P2RY12: variants seen among roughly 807,000 people sequenced by gnomAD.
P2RY12 encodes the protein purinergic receptor P2Y12, also known as P2Y purinoceptor 12.
Under a neutral mutation model 4.5 loss-of-function variants are expected in P2RY12, and 3 were observed. That is an observed-to-expected ratio of 0.67 (90% CI 0.31 to 1.74). The LOEUF is 1.74. Among genes scored for constraint, P2RY12 ranks in the 40% most tolerant of loss-of-function variants. P2RY12 has a pLI of 0.09. For missense variants in P2RY12, 356 were observed against 407.8 expected, an observed-to-expected ratio of 0.87 and a Z score of 1.09; for synonymous variants, 148 against 154.1, an observed-to-expected ratio of 0.96 and a Z score of 0.29.
At chr3:151,373,245 T>A (rs868362059) in intron 1 of P2RY12, among the ~76,000 whole-genome samples, 54 of 152,166 alleles carry the variant, frequency 3.5e-4, no homozygotes, top group African/African-American at 1.2e-3. Flanking sequence ...AGATTATGCA[T>A]CCCTGGCCAA....
chr3:151,378,276 A>G, intron 1 of P2RY12: 1 of 1,210,604 alleles, frequency 8.3e-7, no homozygotes, highest in African/African-American at 1.6e-5. Context: ...GTCCACTGAA[A>G]TTTAGTTTTT....
intron 1 of P2RY12, among the ~76,000 whole-genome samples, chr3:151,366,487 G>C (rs183246989): frequency 4.8e-4 from 73 of 152,304 alleles, no homozygotes; most frequent in Non-Finnish European, 8.1e-4. Context: ...GGCAATTAAT[G>C]CCTGGAAGAT....
At chr3:151,381,042 C>T (rs1712238588) in intron 1 of P2RY12, among the ~76,000 whole-genome samples, 1 of 152,240 alleles carries the variant, frequency 6.6e-6, no homozygotes, top group Non-Finnish European at 1.5e-5. Flanking sequence ...CACAGTTCTC[C>T]TGGTCACTGT....
chr3:151,339,672 T>C (rs566440507), intron 2 of P2RY12, among the ~76,000 whole-genome samples: 1 of 151,632 alleles, frequency 6.6e-6, no homozygotes, highest in African/African-American at 2.4e-5. Context: ...AGAAATGGCC[T>C]GTGTATATAT....
chr3:151,382,401 AT>A (rs1346506992), intron 1 of P2RY12, among the ~76,000 whole-genome samples: 2 of 152,134 alleles, frequency 1.3e-5, no homozygotes, highest in Non-Finnish European at 2.9e-5. Context: ...CCTCTCAAGC[AT>A]TTTCCCAGAC....
intron 1 of P2RY12, among the ~76,000 whole-genome samples, chr3:151,367,233 A>C (rs1577458625): frequency 6.6e-6 from 1 of 152,214 alleles, no homozygotes; most frequent in African/African-American, 2.4e-5. Flanking sequence ...CCAAAACCTT[A>C]GTGAGGCTTG....
At chr3:151,361,385 G>T (rs1577439167) in intron 1 of P2RY12, among the ~76,000 whole-genome samples, 1 of 151,878 alleles carries the variant, frequency 6.6e-6, no homozygotes, top group Non-Finnish European at 1.5e-5. Flanking sequence ...GATTGTATTA[G>T]ATTCAGGTTC....
intron 1 of P2RY12, among the ~76,000 whole-genome samples, chr3:151,362,144 G>A (rs1329110194): frequency 6.6e-6 from 1 of 151,878 alleles, no homozygotes; most frequent in Non-Finnish European, 1.5e-5. Context: ...TTACCGCTGT[G>A]GATACCTCTG....
At chr3:151,356,083 C>T (rs759086126) in intron 1 of P2RY12, 1 of 1,583,490 alleles carries the variant, frequency 6.3e-7, no homozygotes, top group Admixed American at 1.8e-5. Flanking sequence ...GAAAGCAAAT[C>T]CACCAGGCAT....
At chr3:151,384,519 A>T (rs543414392) in intron 1 of P2RY12, among the ~76,000 whole-genome samples, 173 bp downstream of exon 1, 2 of 152,342 alleles carry the variant, frequency 1.3e-5, no homozygotes, top group Admixed American at 1.3e-4. Context: ...GGATAACTCT[A>T]TGCTTGGACT....
intron 1 of P2RY12, chr3:151,364,856 T>C (rs1300934170): frequency 2.9e-6 from 2 of 691,348 alleles, no homozygotes; most frequent in African/African-American, 1.8e-5. Flanking sequence ...TAAGAACTCA[T>C]AATGTGAATC....
At chr3:151,368,412 C>A (rs1755549374) in intron 1 of P2RY12, among the ~76,000 whole-genome samples, 1 of 152,092 alleles carries the variant, frequency 6.6e-6, no homozygotes, top group Admixed American at 6.6e-5. Flanking sequence ...AGAGGGCTGT[C>A]AGCACCTTTT....
chr3:151,373,893 G>T (rs898615135), intron 1 of P2RY12, among the ~76,000 whole-genome samples: 1 of 151,954 alleles, frequency 6.6e-6, no homozygotes, highest in African/African-American at 2.4e-5. Flanking sequence ...CCAAGATCTG[G>T]GTATTATGTA....
intron 1 of P2RY12, among the ~76,000 whole-genome samples, chr3:151,341,015 T>C (rs1751751938): frequency 6.6e-6 from 1 of 152,318 alleles, no homozygotes; most frequent in Admixed American, 6.5e-5. Flanking sequence ...TTATTTTCTA[T>C]GCAAATGATA....
chr3:151,371,311 T>C (rs1756156223), intron 1 of P2RY12, among the ~76,000 whole-genome samples: 1 of 152,184 alleles, frequency 6.6e-6, no homozygotes, highest in Admixed American at 6.5e-5. Flanking sequence ...ACTCAAGGTA[T>C]AGAGGTAGTT....
At chr3:151,368,674 C>T (rs1170556815) in intron 1 of P2RY12, among the ~76,000 whole-genome samples, 7 of 55,490 alleles carry the variant, frequency 1.3e-4, no homozygotes, top group Admixed American at 9.2e-4. Context: ...CATTTCATTT[C>T]ATGTCATTTC....
At chr3:151,382,046 C>T (rs1241489009) in intron 1 of P2RY12, among the ~76,000 whole-genome samples, 1 of 152,054 alleles carries the variant, frequency 6.6e-6, no homozygotes, top group Non-Finnish European at 1.5e-5. Flanking sequence ...CCACTTGTGG[C>T]TCCCTTTCCT....
At chr3:151,366,588 AT>A (rs1274202731) in intron 1 of P2RY12, among the ~76,000 whole-genome samples, 4 of 152,044 alleles carry the variant, frequency 2.6e-5, no homozygotes, top group Non-Finnish European at 5.9e-5. Context: ...ATCTGTCTTG[AT>A]TCTTTACTTC....
intron 1 of P2RY12, among the ~76,000 whole-genome samples, chr3:151,364,068 A>G (rs1754975572): frequency 1.3e-5 from 2 of 152,194 alleles, no homozygotes; most frequent in South Asian, 2.1e-4. Context: ...CTTAATCTAT[A>G]AAACAGACTT....
Sources: allele counts gnomAD v4.1 joint callset (sites outside exome capture counted in the v4.1 genomes callset), GRCh38; gene constraint gnomAD v4.1.1; transcripts MANE v1.5; gene names NCBI Gene and HGNC (gene_info 2026-07-23, HGNC 2026-07-21).